Variants in NIBAN2 observed in about 807,000 individuals in gnomAD.
The protein encoded by NIBAN2 is niban apoptosis regulator 2.
Under a neutral mutation model 81.8 loss-of-function variants are expected in NIBAN2, and 36 were observed. That is an observed-to-expected ratio of 0.44 (90% confidence interval 0.34 to 0.58). The LOEUF (loss-of-function observed/expected upper bound fraction) is 0.58. Ranked by LOEUF, NIBAN2 falls within the 20% of genes least tolerant of loss-of-function variation. The pLI, the probability that NIBAN2 is intolerant of heterozygous loss-of-function variation, is 0.02. For missense variants in NIBAN2, 897 were observed against 1,014.1 expected (o/e 0.88, Z 1.57); for synonymous variants, 445 against 441.6 (o/e 1.01, Z -0.10).
intron 1 of NIBAN2, among the ~76,000 whole-genome samples, chr9:127,532,585 C>T (rs1271707001): frequency 2.6e-5 from 4 of 151,704 alleles, no homozygotes; most frequent in Admixed American, 1.3e-4. Context: ...CCAGCCTGGG[C>T]GACAGAGCGA....
At chr9:127,513,275 A>G (rs757310274) in intron 8 of NIBAN2, among the ~76,000 whole-genome samples, 14 of 152,162 alleles carry the variant, frequency 9.2e-5, no homozygotes, top group Non-Finnish European at 1.6e-4. Flanking sequence ...GAGTAGAAAG[A>G]TGGTTACTAG....
chr9:127,543,952 T>C (rs1484500327), intron 1 of NIBAN2, among the ~76,000 whole-genome samples: 1 of 152,244 alleles, frequency 6.6e-6, no homozygotes, highest in Non-Finnish European at 1.5e-5. Context: ...TAACCCTCAC[T>C]GGGACGTACT....
intron 5 of NIBAN2, 86 bp from the exon 6 acceptor site, chr9:127,518,027 C>A: frequency 1.3e-6 from 1 of 769,802 alleles, no homozygotes; most frequent in South Asian, 1.8e-5. Flanking sequence ...CCAAAACCCC[C>A]CCCACACACA....
intron 1 of NIBAN2, among the ~76,000 whole-genome samples, chr9:127,550,859 C>T (rs1043475509): frequency 1.2e-4 from 18 of 152,206 alleles, no homozygotes; most frequent in Admixed American, 2.0e-4. Flanking sequence ...AGATCCTCCG[C>T]GTCCTCTTCC....
chr9:127,549,378 C>T (rs1479700104), intron 1 of NIBAN2, among the ~76,000 whole-genome samples: 2 of 151,978 alleles, frequency 1.3e-5, no homozygotes, highest in African/African-American at 2.4e-5. Flanking sequence ...CTCACATGTG[C>T]ATGCACATGC....
chr9:127,512,884 A>T (rs990174703), intron 8 of NIBAN2, among the ~76,000 whole-genome samples: 1 of 152,210 alleles, frequency 6.6e-6, no homozygotes, highest in Non-Finnish European at 1.5e-5. Context: ...ACCCAAATAA[A>T]GGAAATCAGC....
At chr9:127,560,358 C>T (rs938884811) in intron 1 of NIBAN2, among the ~76,000 whole-genome samples, 10 of 152,128 alleles carry the variant, frequency 6.6e-5, no homozygotes, top group African/African-American at 2.2e-4. Context: ...CCCCCACACA[C>T]GCAGGTCCAG....
At chr9:127,549,856 C>G (rs1332246924) in intron 1 of NIBAN2, among the ~76,000 whole-genome samples, 2 of 152,184 alleles carry the variant, frequency 1.3e-5, no homozygotes, top group African/African-American at 4.8e-5. Flanking sequence ...TCACCAGCTG[C>G]AGGTGTCCTC....
rs896321032 is a variant in NIBAN2, at chr9:127,536,474, C to T, written c.56-4696G>A. On this transcript the variant is annotated intron_variant, in intron 1 of 13. Transcript: ENST00000373312. This position sits in a 1 kb window ranked among gnomAD's most constrained non-coding sequence, Gnocchi z 4.0. ...CCTTCTTGCTCCCTGCAGTGGCTCTCCCCCGGCATTGTTGCTTCAGGATTT... is the reference window on the plus strand; with the variant it reads ...CCTTCTTGCTCCCTGCAGTGGCTCTTCCCCGGCATTGTTGCTTCAGGATTT... Among the ~76,000 whole-genome samples the T allele has an allele frequency of 6.6e-6, 1 of 152,208 alleles. No homozygotes were observed. Among genetic ancestry groups the T allele is most frequent in the Non-Finnish European group, 1.5e-5 (1 of 68,020 alleles).
intron 1 of NIBAN2, among the ~76,000 whole-genome samples, chr9:127,560,724 G>A (rs1046669110): frequency 1.3e-5 from 2 of 152,224 alleles, no homozygotes; most frequent in African/African-American, 2.4e-5. Context: ...CACAGAAGGT[G>A]TTCAATAACT....
chr9:127,562,578 C>T (rs1837792149), intron 1 of NIBAN2, among the ~76,000 whole-genome samples: 2 of 152,210 alleles, frequency 1.3e-5, no homozygotes, highest in East Asian at 1.9e-4. Context: ...GTCCCCAGTA[C>T]ACAGGCAGCC....
intron 3 of NIBAN2, among the ~76,000 whole-genome samples, 174 bp downstream of exon 3, chr9:127,527,020 G>A (rs760972836): frequency 1.3e-5 from 2 of 152,162 alleles, no homozygotes; most frequent in Non-Finnish European, 2.9e-5. Flanking sequence ...TCCAGAGAGG[G>A]CACCCAGGGC....
intron 9 of NIBAN2, 55 bp downstream of exon 9, chr9:127,510,091 G>A (rs1268861319): frequency 2.6e-6 from 4 of 1,524,722 alleles, no homozygotes; most frequent in Admixed American, 1.9e-5. Flanking sequence ...GGCCCTCTGG[G>A]ACAGACCAGA....
chr9:127,548,056 C>T (rs7850582), intron 1 of NIBAN2, among the ~76,000 whole-genome samples: 46,645 of 151,616 alleles, frequency 0.31, 9,457 homozygotes, highest in African/African-American at 0.56. Context: ...CATCTCTCAT[C>T]AGTGCTCATG....
rs1385211605 is a variant in NIBAN2, at chr9:127,507,837, CAACAGTCCCCACCCCGG to C, written c.1654+13_1654+29del. On this transcript the variant is annotated intron_variant, in intron 13 of 13. Transcript: ENST00000373312. The surrounding 1 kb of genome is among the most constrained non-coding windows in gnomAD (Gnocchi z 6.8). ...AGCTGCGCCCCCAGCATCCTCCTGGCAACAGTCCCCACCCCGGGACGGCACCCACCCTGCAGGATGTC... is the reference window on the plus strand; with the variant it reads ...AGCTGCGCCCCCAGCATCCTCCTGGCGACGGCACCCACCCTGCAGGATGTC... The C allele has an allele frequency of 4.4e-6, 7 of 1,600,138 alleles. No homozygotes were observed. The highest frequency in any genetic ancestry group is 6.0e-6 in the Non-Finnish European group (7 of 1,167,670).
At chr9:127,527,965 A>G (rs1487406003) in intron 2 of NIBAN2, among the ~76,000 whole-genome samples, 3 of 152,182 alleles carry the variant, frequency 2.0e-5, no homozygotes, top group East Asian at 1.9e-4. Flanking sequence ...CTGGCAGGCT[A>G]GTGACCTACA....
chr9:127,507,750 C>T lies in NIBAN2; in HGVS notation c.1654+117G>A. 1.1e-6 allele frequency: 1 copy of T among 919,628 alleles called. No homozygotes were observed. Among genetic ancestry groups the T allele is most frequent in the Non-Finnish European group, 1.8e-6 (1 of 570,432 alleles). 57.0% of individuals were successfully genotyped at this position (919,628 alleles called of 1,614,324 possible). A position where few individuals can be genotyped will look rare whatever the true frequency, so the allele number is the denominator to read the frequency against. ...CGAAGAGTGGGCTTCACCCAGACCC[C>T]AGGTGCAAGTCTGGGCTTTTCTTTG... On this transcript the variant is annotated intron_variant, in intron 13 of 13. Coordinates refer to ENST00000373312, the MANE Select transcript of NIBAN2 (RefSeq NM_022833.4). This position sits in a 1 kb window ranked among gnomAD's most constrained non-coding sequence, Gnocchi z 6.8.
chr9:127,567,895 C>G (rs1019089113), intron 1 of NIBAN2, among the ~76,000 whole-genome samples: 3 of 152,180 alleles, frequency 2.0e-5, no homozygotes, highest in Admixed American at 2.0e-4. Context: ...GTGTACAGGA[C>G]AGATGTCTGG....
At chr9:127,510,530 A>G (rs1288247278) in intron 8 of NIBAN2, among the ~76,000 whole-genome samples, 197 bp from the exon 9 acceptor site, 2 of 152,112 alleles carry the variant, frequency 1.3e-5, no homozygotes, top group South Asian at 2.1e-4. Flanking sequence ...TCCACCTCCC[A>G]GGTTCAAGCA....
Sources: allele counts gnomAD v4.1 joint callset (sites outside exome capture counted in the v4.1 genomes callset), GRCh38; gene constraint gnomAD v4.1.1; non-coding constraint Gnocchi (gnomAD v3.1); transcripts MANE v1.5; gene names NCBI Gene and HGNC (gene_info 2026-07-23, HGNC 2026-07-21).